SYNPR: variants seen among roughly 807,000 people sequenced by gnomAD.
SYNPR encodes the protein synaptoporin.
In SYNPR, 23 loss-of-function variants were observed where a neutral mutation model predicts 32.9. That is an observed-to-expected ratio of 0.70 (90% CI 0.50 to 0.99). SYNPR has a LOEUF of 0.99. SYNPR is among the 50% of genes least tolerant of loss of function. The pLI, the probability that SYNPR is intolerant of heterozygous loss-of-function variation, is 0.00. For missense variants in SYNPR, 318 were observed against 349.3 expected (o/e 0.91, Z 0.71); for synonymous variants, 146 against 135.9 (o/e 1.07, Z -0.52).
At chr3:63,308,117 G>A (rs959494021) in intron 2 of SYNPR, among the ~76,000 whole-genome samples, 9 of 152,084 alleles carry the variant, frequency 5.9e-5, no homozygotes, top group Non-Finnish European at 8.8e-5. Context: ...ATTTTGCTTT[G>A]GCATTTAAGT....
chr3:63,416,734 T>G (rs1434476363), intron 2 of SYNPR, among the ~76,000 whole-genome samples: 1 of 151,948 alleles, frequency 6.6e-6, no homozygotes, highest in Non-Finnish European at 1.5e-5. Context: ...GCAAGTGACA[T>G]CTTACGTGGA....
rs1702117116 is a variant in SYNPR, at chr3:63,531,786, C to T, written c.210-24757C>T. Among the ~76,000 whole-genome samples the T allele has an allele frequency of 2.6e-5, 4 of 152,148 alleles. No individual in the cohort carries two copies. In the South Asian group the frequency reaches 8.3e-4, roughly 32 times the overall value. ...CCCTCTACCTTTTCCATATTTACTT[C>T]CTCCCAAATAAACAAAGATCTTTAG... On this transcript the variant is annotated intron_variant, in intron 3 of 5. Coordinates refer to ENST00000478300, the MANE Select transcript of SYNPR (RefSeq NM_001130003.2).
chr3:63,317,498 T>A (rs993533003), intron 2 of SYNPR, among the ~76,000 whole-genome samples: 1 of 152,078 alleles, frequency 6.6e-6, no homozygotes, highest in African/African-American at 2.4e-5. Flanking sequence ...TCCCTTTGTT[T>A]ATTTTAACTG....
At chr3:63,375,834 A>T (rs1487263562) in intron 2 of SYNPR, among the ~76,000 whole-genome samples, 4 of 151,984 alleles carry the variant, frequency 2.6e-5, no homozygotes, top group Non-Finnish European at 5.9e-5. Flanking sequence ...TGCCCTTTAA[A>T]CTCCAGTTAT....
intron 3 of SYNPR, among the ~76,000 whole-genome samples, chr3:63,518,029 T>G (rs189220478): frequency 2.6e-5 from 4 of 152,314 alleles, no homozygotes; most frequent in African/African-American, 9.6e-5. Context: ...CCACTTAGGC[T>G]GACTTCACAA....
chr3:63,576,548 T>C (rs1255903963), intron 4 of SYNPR, among the ~76,000 whole-genome samples: 1 of 151,856 alleles, frequency 6.6e-6, no homozygotes, highest in Non-Finnish European at 1.5e-5. Flanking sequence ...TCCCAACACT[T>C]TGGGAGGCTG....
At chr3:63,382,661 C>T (rs1291241855) in intron 2 of SYNPR, among the ~76,000 whole-genome samples, 2 of 152,198 alleles carry the variant, frequency 1.3e-5, no homozygotes, top group African/African-American at 2.4e-5. Flanking sequence ...GTCTATTCAT[C>T]GGTGCCAAGG....
chr3:63,365,848 T>C (rs2087723226), intron 2 of SYNPR, among the ~76,000 whole-genome samples: 1 of 152,182 alleles, frequency 6.6e-6, no homozygotes. Context: ...AATGTGAACA[T>C]GTTGACCTTG....
At chr3:63,330,881 G>A (rs190836016) in intron 2 of SYNPR, among the ~76,000 whole-genome samples, 9 of 152,158 alleles carry the variant, frequency 5.9e-5, no homozygotes, top group East Asian at 5.8e-4. Context: ...TTATAGAATC[G>A]TGTAATGAAT....
intron 3 of SYNPR, among the ~76,000 whole-genome samples, chr3:63,516,405 A>C (rs1267477902): frequency 2.0e-5 from 3 of 152,148 alleles, no homozygotes; most frequent in African/African-American, 7.2e-5. Flanking sequence ...CTTGGAAATC[A>C]GTTGTTTCAG....
At chr3:63,379,168 A>G (rs1394712331) in intron 2 of SYNPR, among the ~76,000 whole-genome samples, 1 of 152,096 alleles carries the variant, frequency 6.6e-6, no homozygotes, top group Non-Finnish European at 1.5e-5. Context: ...TATTCTGTAT[A>G]ATTTTAATTC....
intron 3 of SYNPR, among the ~76,000 whole-genome samples, chr3:63,491,394 C>T (rs1461865666): frequency 6.6e-6 from 1 of 151,932 alleles, no homozygotes; most frequent in Non-Finnish European, 1.5e-5. Flanking sequence ...GGGAAGACAC[C>T]CCTAAGGGTA....
chr3:63,395,161 T>A (rs1164181323), intron 2 of SYNPR, among the ~76,000 whole-genome samples: 2 of 152,202 alleles, frequency 1.3e-5, no homozygotes, highest in Non-Finnish European at 2.9e-5. Context: ...GGCTCCAGTT[T>A]CCATGTTTTT....
rs571232991 is a variant in SYNPR at position 63,449,032 on chromosome 3, T to C, written c.85-31800T>C. On this transcript the variant is annotated intron_variant, in intron 2 of 5. Transcript: ENST00000478300. ...AAGATTTTGTAGTGTGTGTGTCTTA[T>C]AAGCATTATTTATTGCTTCGAGGCA... is the stretch of plus-strand genomic sequence containing the variant. Among the ~76,000 whole-genome samples the C allele has an allele frequency of 2.6e-5, 4 of 152,346 alleles. No homozygotes were observed. The East Asian group carries it at 5.8e-4, about 22-fold the overall frequency.
chr3:63,522,467 A>C (rs1245038433), intron 3 of SYNPR, among the ~76,000 whole-genome samples: 3 of 152,274 alleles, frequency 2.0e-5, no homozygotes, highest in Non-Finnish European at 4.4e-5. Flanking sequence ...TATTGAAAGC[A>C]AAGCCAATGA....
intron 4 of SYNPR, among the ~76,000 whole-genome samples, chr3:63,557,931 G>A (rs1702621669): frequency 6.6e-6 from 1 of 152,214 alleles, no homozygotes; most frequent in African/African-American, 2.4e-5. Flanking sequence ...TTGAAAGTTG[G>A]TCTTCAATGT....
chr3:63,216,887 G>A, the SYNPR span, among the ~76,000 whole-genome samples: 1 of 47,040 alleles, frequency 2.1e-5, no homozygotes, highest in African/African-American at 7.0e-5. Context: ...ATGGGTTTTC[G>A]GTGTAGATGT....
At chr3:63,539,644 A>G (rs1164068766) in intron 3 of SYNPR, among the ~76,000 whole-genome samples, 1 of 152,142 alleles carries the variant, frequency 6.6e-6, no homozygotes, top group Non-Finnish European at 1.5e-5. Flanking sequence ...GGGTTTCCCT[A>G]AGGCAGACCT....
At chr3:63,551,766 A>T (rs1702504798) in intron 3 of SYNPR, among the ~76,000 whole-genome samples, 1 of 152,158 alleles carries the variant, frequency 6.6e-6, no homozygotes, top group Non-Finnish European at 1.5e-5. Flanking sequence ...CTAGCCTCAG[A>T]TTCCTCTCAG....
Sources: allele counts gnomAD v4.1 joint callset (sites outside exome capture counted in the v4.1 genomes callset), GRCh38; gene constraint gnomAD v4.1.1; transcripts MANE v1.5; gene names NCBI Gene and HGNC (gene_info 2026-07-23, HGNC 2026-07-21).